Variants in CDK5RAP1 observed in about 807,000 individuals in gnomAD.
CDK5RAP1 encodes the protein CDK5RAP1 mitochondrial tRNA methylthiotransferase.
Under a neutral mutation model 64.5 loss-of-function variants are expected in CDK5RAP1, and 62 were observed. The observed-to-expected ratio is 0.96, with a 90% CI of 0.78 to 1.19. CDK5RAP1 has a LOEUF of 1.19. Ranked by LOEUF, CDK5RAP1 falls within the 50% of genes most tolerant of loss-of-function variation. CDK5RAP1 has a pLI of 0.00. For synonymous variants in CDK5RAP1, 250 were observed against 261.9 expected (o/e 0.95, Z 0.44); for missense variants, 657 against 735.0 (o/e 0.89, Z 1.23).
intron 5 of CDK5RAP1, among the ~76,000 whole-genome samples, chr20:33,388,437 CAA>C (rs1443648781): frequency 6.6e-6 from 1 of 152,116 alleles, no homozygotes; most frequent in African/African-American, 2.4e-5. Context: ...GCAAGCAACC[CAA>C]GTGTCTATTA....
At position 33,366,981 on chromosome 20, in the gene CDK5RAP1, C is replaced by A. The variant is rs1262857292; in HGVS notation, c.1420G>T (p.Asp474Tyr). Residue 474 changes from aspartate (D) to tyrosine (Y), a missense_variant, in exon 12 of 14, where the codon GAT (aspartate) becomes TAT (tyrosine). By Grantham distance (160) the Asp-to-Tyr change is radical. Coordinates refer to ENST00000346416, the MANE Select transcript of CDK5RAP1 (RefSeq NM_016408.4). ...QKTRAYHRLK[D>Y]DVPEEVKLRR... ...AATTTTACCTCTTCCGGGACATCAT[C>A]CTTCAGCCTATGATATGCCCGTGTC... 6.2e-7 allele frequency: 1 copy of A among 1,613,208 alleles called. No homozygotes were observed. The highest frequency in any genetic ancestry group is 1.3e-5 in the African/African-American group (1 of 74,662).
intron 7 of CDK5RAP1, among the ~76,000 whole-genome samples, chr20:33,385,393 C>A (rs1399069548): frequency 1.3e-5 from 2 of 152,156 alleles, no homozygotes; most frequent in Non-Finnish European, 2.9e-5. Flanking sequence ...AATTGACATG[C>A]CTAGGAACCA....
chr20:33,389,352 C>T (rs556744935), intron 5 of CDK5RAP1, among the ~76,000 whole-genome samples: 38 of 151,382 alleles, frequency 2.5e-4, no homozygotes, highest in African/African-American at 6.3e-4. Flanking sequence ...GCGCGGCAGC[C>T]GCCCCGTCTG....
chr20:33,370,927 T>C lies in CDK5RAP1; in HGVS notation c.1262-298A>G, dbSNP rs111233392. 6.1e-3 allele frequency among the ~76,000 whole-genome samples: 933 copies of C among 152,284 alleles called. 15 individuals are homozygous for C. Among genetic ancestry groups the C allele is most frequent in the African/African-American group, 0.022 (904 of 41,550 alleles). ...GTCCACATTTTCATATCAGTCCTCT[T>C]ACCAGTGAAAACCTTGTGGTGCTTC... On this transcript the variant is annotated intron_variant, in intron 10 of 13. Transcript: ENST00000346416.
rs910293110 is a variant in CDK5RAP1, at chr20:33,370,629, C to T, written c.1262G>A (p.Gly421Asp). The change falls in exon 11 of 14, where the codon GGT becomes GAT. Residue 421 changes from glycine (G) to aspartate (D), a missense_variant and splice_region_variant. Gly to Asp is a moderately conservative substitution (Grantham distance 94). Transcript: ENST00000346416. ...AATGAAATCGCTGCTGAGGCTCACA[C>T]CTGTGATACACAGCAAAGGATGACA... Reference protein sequence around the residue: ...LVHHIRESIPGVSLSSDFIAG... With the variant: ...LVHHIRESIPDVSLSSDFIAG... 25 of 1,614,058 alleles carry T rather than the reference C, an allele frequency of 1.5e-5. No individual in the cohort carries two copies. Among genetic ancestry groups the T allele is most frequent in the South Asian group, 3.3e-5 (3 of 91,090 alleles).
intron 5 of CDK5RAP1, among the ~76,000 whole-genome samples, chr20:33,389,424 C>T (rs1207671695): frequency 1.3e-5 from 2 of 151,694 alleles, no homozygotes; most frequent in Non-Finnish European, 1.5e-5. Flanking sequence ...GCCCCTCCGC[C>T]CGGCAGCTGC....
chr20:33,366,861 C>T lies in CDK5RAP1; in HGVS notation c.1540G>A (p.Gly514Arg), dbSNP rs1984059247. The T allele has an allele frequency of 1.9e-6, 3 of 1,611,982 alleles. No individual in the cohort carries two copies. The highest frequency in any genetic ancestry group is 2.2e-5 in the East Asian group (1 of 44,884). Residue 514 changes from glycine (G) to arginine (R), a missense_variant and splice_region_variant, in exon 12 of 14, where the codon GGG becomes AGG. Transcript: ENST00000346416. Reference protein sequence around the residue: ...VGCTQLVLVEGLSKRSATDLC... With the variant: ...VGCTQLVLVERLSKRSATDLC... ...AACACACACACATATGGCCTCACCCCTTCCACTAGCACCAACTGGGTACAG... is the reference window on the plus strand; with the variant it reads ...AACACACACACATATGGCCTCACCCTTTCCACTAGCACCAACTGGGTACAG...
chr20:33,387,381 C>T lies in CDK5RAP1; in HGVS notation c.697G>A (p.Glu233Lys), dbSNP rs1380481322. ...QAANVLLSLD[E>K]TYADVMPVQT... Reference sequence around the variant, plus strand: ...ACTGGCATGACATCAGCATAGGTCTCGTCCAGAGAGAGCAGCACGTTGGCA... The same window carrying T: ...ACTGGCATGACATCAGCATAGGTCTTGTCCAGAGAGAGCAGCACGTTGGCA... The change falls in exon 6 of 14, where the codon GAG becomes AAG. Residue 233 changes from glutamate (E) to lysine (K), a missense_variant. Coordinates refer to ENST00000346416, the MANE Select transcript of CDK5RAP1 (RefSeq NM_016408.4). The T allele has an allele frequency of 9.3e-6, 15 of 1,614,140 alleles. No homozygotes were observed. Among genetic ancestry groups the T allele is most frequent in the Non-Finnish European group, 1.1e-5 (13 of 1,180,034 alleles).
At chr20:33,379,891 C>T (rs1056477615) in intron 7 of CDK5RAP1, among the ~76,000 whole-genome samples, 200 bp from the exon 8 acceptor site, 1 of 152,060 alleles carries the variant, frequency 6.6e-6, no homozygotes, top group African/African-American at 2.4e-5. Flanking sequence ...AGAGCTAAAC[C>T]TAATAAAGCC....
At chr20:33,366,713 T>C in intron 12 of CDK5RAP1, 146 bp downstream of exon 12, 1 of 656,810 alleles carries the variant, frequency 1.5e-6, no homozygotes, top group East Asian at 2.8e-5. Flanking sequence ...CAGCCTGTAG[T>C]CCCACCTACT....
At chr20:33,385,566 G>A (rs1292391685) in intron 7 of CDK5RAP1, 84 bp downstream of exon 7, 5 of 1,512,490 alleles carry the variant, frequency 3.3e-6, no homozygotes, top group Non-Finnish European at 4.5e-6. Flanking sequence ...ATAAGTCAGA[G>A]ACAGCATAGG....
intron 1 of CDK5RAP1, among the ~76,000 whole-genome samples, chr20:33,399,811 A>G (rs908868978): frequency 2.0e-5 from 3 of 152,166 alleles, no homozygotes; most frequent in Non-Finnish European, 4.4e-5. Context: ...GGATTGTTTG[A>G]GCTCAGGAGT....
At chr20:33,359,229 C>T (rs948803390) in intron 13 of CDK5RAP1, 106 bp from the exon 14 acceptor site, 9 of 812,916 alleles carry the variant, frequency 1.1e-5, no homozygotes, top group Admixed American at 2.2e-5. Flanking sequence ...CTGATGGAGG[C>T]GACCGGCTGG....
Position 33,397,011 on chromosome 20 carries a change from T to C in CDK5RAP1, c.54A>G (p.Pro18=), listed in dbSNP as rs1305985886. 9 of 1,614,090 alleles carry C rather than the reference T, an allele frequency of 5.6e-6. No individual in the cohort carries two copies. The highest frequency in any genetic ancestry group is 5.9e-6 in the Non-Finnish European group (7 of 1,179,996). ...LQVQRSLGWG[P]LASVSWLSLR... is the part of the protein sequence containing the mutation. Reference sequence around the variant, plus strand: ...GCGACAGCCAAGACACAGAGGCCAATGGTCCCCACCCCAGAGACCTCTGCA... The same window carrying C: ...GCGACAGCCAAGACACAGAGGCCAACGGTCCCCACCCCAGAGACCTCTGCA... Residue 18 remains proline, a synonymous_variant, in exon 2 of 14, where the codon CCA becomes CCG. Transcript: ENST00000346416.
chr20:33,379,556 GTCC>G lies in CDK5RAP1; in HGVS notation c.1009_1011del (p.Gly337del), dbSNP rs1986483803. 1.2e-6 allele frequency: 2 copies of G among 1,614,004 alleles called. No homozygotes were observed. Among genetic ancestry groups the G allele is most frequent in the South Asian group, 1.1e-5 (1 of 91,086 alleles). On this transcript the variant is annotated inframe_deletion, in exon 8 of 14. Transcript: ENST00000346416. ...TGATCCAGAAGATGAGCAAAACGAAGTCCTCCTTGCTTGGTTTTATAGTTGGTG... is the reference window on the plus strand; with the variant it reads ...TGATCCAGAAGATGAGCAAAACGAAGTCCTTGCTTGGTTTTATAGTTGGTG...
At chr20:33,362,922 G>C (rs1194185776) in intron 12 of CDK5RAP1, among the ~76,000 whole-genome samples, 1 of 152,134 alleles carries the variant, frequency 6.6e-6, no homozygotes, top group Admixed American at 6.6e-5. Context: ...ACAACCTTCA[G>C]CTGAGATTTA....
chr20:33,393,992 A>G (rs2146717129), intron 4 of CDK5RAP1, 40 bp downstream of exon 4: 2 of 1,443,682 alleles, frequency 1.4e-6, no homozygotes, highest in Middle Eastern at 1.7e-4. Context: ...GCATTATTAC[A>G]TAAAATACAT....
chr20:33,392,299 G>A, intron 4 of CDK5RAP1, 57 bp from the exon 5 acceptor site: 1 of 1,067,944 alleles, frequency 9.4e-7, no homozygotes, highest in Non-Finnish European at 1.4e-6. Flanking sequence ...AGGTATCTAA[G>A]AGAGTAGGTC....
At chr20:33,369,705 AG>A (rs1984665561) in intron 11 of CDK5RAP1, among the ~76,000 whole-genome samples, 1 of 152,182 alleles carries the variant, frequency 6.6e-6, no homozygotes, top group Non-Finnish European at 1.5e-5. Flanking sequence ...TGCCTGAGCC[AG>A]GAGTTTGAGA....
Sources: allele counts gnomAD v4.1 joint callset (sites outside exome capture counted in the v4.1 genomes callset), GRCh38; gene constraint gnomAD v4.1.1; transcripts MANE v1.5; gene names NCBI Gene and HGNC (gene_info 2026-07-23, HGNC 2026-07-21).